Variants in SOX6 observed in about 807,000 individuals in gnomAD.
SOX6 encodes the protein SRY-box transcription factor 6.
In SOX6, 11 loss-of-function variants were observed where a neutral mutation model predicts 97.8. The ratio of observed to expected loss-of-function variants is 0.11; its 90% CI spans 0.07 to 0.19. SOX6 has a LOEUF of 0.19. SOX6 is among the 10% of genes least tolerant of loss of function. The pLI, the probability that SOX6 is intolerant of heterozygous loss-of-function variation, is 1.00. For missense variants in SOX6, 810 were observed against 1,039.5 expected (o/e 0.78, Z 3.04); for synonymous variants, 360 against 371.4 (o/e 0.97, Z 0.35).
At chr11:16,464,998 T>C (rs1860001378) in intron 1 of SOX6, among the ~76,000 whole-genome samples, 1 of 152,216 alleles carries the variant, frequency 6.6e-6, no homozygotes, top group African/African-American at 2.4e-5. Flanking sequence ...AAATCTCTTA[T>C]TTCAATCATT....
chr11:16,515,983 A>G (rs1393333701), intron 4 of SOX6, among the ~76,000 whole-genome samples: 2 of 151,792 alleles, frequency 1.3e-5, no homozygotes, highest in Non-Finnish European at 2.9e-5. Flanking sequence ...AGGTAGTGTG[A>G]TGCCTCCAGC....
chr11:15,986,395 G>A lies in SOX6; in HGVS notation c.1992C>T (p.Asn664=), dbSNP rs1474618666. The A allele has an allele frequency of 6.2e-7, 1 of 1,613,942 alleles. No individual in the cohort carries two copies. Among genetic ancestry groups the A allele is most frequent in the Admixed American group, 1.7e-5 (1 of 59,996 alleles). ...CTTCATAATAAGGTTGCTTCTCCTG[G>A]TTGGACATTGATTTCCAGCGAGATC... ...ILGSRWKSMS[N]QEKQPYYEEQ... The change falls in exon 15 of 16, where the codon AAC becomes AAT. Residue 664 remains asparagine, a synonymous_variant. Transcript: ENST00000683767.
chr11:16,341,130 T>C lies in SOX6; in HGVS notation c.119A>G (p.His40Arg). The change falls in exon 2 of 16, where the codon CAT becomes CGT. Residue 40 changes from histidine (H) to arginine (R), a missense_variant. Around this residue, in one of 9 missense-constraint regions of SOX6, gnomAD observed 100 missense variants for 94.6 expected, o/e 1.06. Coordinates refer to ENST00000683767, the MANE Select transcript of SOX6 (RefSeq NM_001367873.1). Reference sequence around the variant, plus strand: ...GTGCATTATGGGGTGCAGAGGCAGATGGGAGGCCACATGTTGATCACTGCC... The same window carrying C: ...GTGCATTATGGGGTGCAGAGGCAGACGGGAGGCCACATGTTGATCACTGCC... ...EEGSDQHVAS[H>R]LPLHPIMHNK... The C allele has an allele frequency of 6.2e-7, 1 of 1,613,576 alleles. No individual in the cohort carries two copies. The highest frequency in any genetic ancestry group is 8.5e-7 in the Non-Finnish European group (1 of 1,179,600).
chr11:16,176,066 C>T lies in SOX6; in HGVS notation c.777+7820G>A, dbSNP rs530490819. 8.8e-3 allele frequency among the ~76,000 whole-genome samples: 1,024 copies of T among 116,162 alleles called. 5 individuals carry two copies. The highest frequency in any genetic ancestry group is 0.011 in the Non-Finnish European group (595 of 52,878). The allele number at this position is 116,162 out of a possible 152,430, so 76.2% of individuals were successfully genotyped here. A position where few individuals can be genotyped will look rare whatever the true frequency, so the allele number is the denominator to read the frequency against. ...ATGGATGGATGGACGGACAGACGGA[C>T]GGACGGATGGATGGATGGATGGATG... On this transcript the variant is annotated intron_variant, in intron 6 of 15. Coordinates refer to ENST00000683767, the MANE Select transcript of SOX6 (RefSeq NM_001367873.1).
intron 4 of SOX6, among the ~76,000 whole-genome samples, chr11:16,556,309 G>A (rs887394282): frequency 2.8e-4 from 42 of 151,610 alleles, no homozygotes; most frequent in African/African-American, 8.5e-4. Context: ...AAAATAAATG[G>A]AAATATGGCC....
chr11:16,701,222 C>T (rs1040582060), intron 3 of SOX6, among the ~76,000 whole-genome samples: 3 of 152,156 alleles, frequency 2.0e-5, no homozygotes, highest in Non-Finnish European at 4.4e-5. Flanking sequence ...AGCGTGGACT[C>T]AGAGAGACCT....
intron 4 of SOX6, among the ~76,000 whole-genome samples, chr11:16,509,606 T>C (rs922463439): frequency 1.3e-5 from 2 of 152,024 alleles, no homozygotes; most frequent in East Asian, 1.9e-4. Flanking sequence ...GTAAACACTA[T>C]AGAATAAGTT....
chr11:16,335,449 C>G (rs769130394), intron 2 of SOX6, among the ~76,000 whole-genome samples: 1 of 152,124 alleles, frequency 6.6e-6, no homozygotes, highest in Non-Finnish European at 1.5e-5. Flanking sequence ...ATGACTATGA[C>G]TATACACTAG....
chr11:16,432,778 T>A (rs1859296178), intron 1 of SOX6, among the ~76,000 whole-genome samples: 1 of 152,062 alleles, frequency 6.6e-6, no homozygotes, highest in African/African-American at 2.4e-5. Flanking sequence ...ATCCAGTTAG[T>A]GTGCTCACAT....
intron 7 of SOX6, among the ~76,000 whole-genome samples, chr11:16,105,783 T>C (rs933556522): frequency 6.6e-6 from 1 of 152,088 alleles, no homozygotes; most frequent in African/African-American, 2.4e-5. Flanking sequence ...TATTTGCAAA[T>C]GACATAATCC....
intron 3 of SOX6, among the ~76,000 whole-genome samples, chr11:16,703,730 G>A: frequency 6.6e-6 from 1 of 152,096 alleles, no homozygotes; most frequent in East Asian, 1.9e-4. Flanking sequence ...GATGGCTTAT[G>A]TTTTAAAATT....
chr11:16,349,511 G>T (rs1039359606), intron 1 of SOX6, among the ~76,000 whole-genome samples: 5 of 152,098 alleles, frequency 3.3e-5, no homozygotes, highest in Non-Finnish European at 7.4e-5. Context: ...AGCTCTGCAG[G>T]AAGTTGAGGC....
chr11:16,152,840 A>G (rs2134058489), intron 6 of SOX6, among the ~76,000 whole-genome samples: 1 of 151,650 alleles, frequency 6.6e-6, no homozygotes, highest in East Asian at 2.0e-4. Flanking sequence ...AGTAGCTGGG[A>G]TTACAGGTGT....
intron 4 of SOX6, among the ~76,000 whole-genome samples, chr11:16,197,186 A>G (rs547606432): frequency 6.6e-6 from 1 of 152,040 alleles, no homozygotes; most frequent in Non-Finnish European, 1.5e-5. Context: ...TCCCCATTCC[A>G]GGTCTGTCAT....
chr11:16,012,949 A>G (rs1483604159), intron 13 of SOX6, among the ~76,000 whole-genome samples: 2 of 152,096 alleles, frequency 1.3e-5, no homozygotes, highest in African/African-American at 4.8e-5. Flanking sequence ...CAATCTAGGC[A>G]TTGAATAGAA....
intron 3 of SOX6, among the ~76,000 whole-genome samples, chr11:16,307,862 A>G (rs1855485247): frequency 6.6e-6 from 1 of 152,120 alleles, no homozygotes; most frequent in Non-Finnish European, 1.5e-5. Flanking sequence ...CTCATTTTCA[A>G]TTCATTATTT....
At chr11:16,269,953 A>G (rs1854201963) in intron 3 of SOX6, 1 of 151,200 alleles carries the variant, frequency 6.6e-6, no homozygotes, top group Admixed American at 6.6e-5. Context: ...CCTTCAGAAA[A>G]ATGTTGAATA....
intron 1 of SOX6, among the ~76,000 whole-genome samples, chr11:16,425,244 G>C (rs955356708): frequency 1.3e-5 from 2 of 152,154 alleles, no homozygotes; most frequent in African/African-American, 4.8e-5. Flanking sequence ...ATTTGCATCT[G>C]GTTATGCAAG....
intron 6 of SOX6, among the ~76,000 whole-genome samples, chr11:16,173,328 G>A (rs958181466): frequency 2.0e-5 from 3 of 151,714 alleles, no homozygotes; most frequent in Non-Finnish European, 4.4e-5. Flanking sequence ...AGCTCCTGGG[G>A]GGTTTCTTTT....
Sources: gnomAD v4.1 joint callset for allele counts (sites outside exome capture counted in the v4.1 genomes callset) on GRCh38, gnomAD v4.1.1 for gene constraint, gnomAD v4.1.1 regional missense constraint, MANE v1.5 for transcripts, NCBI Gene and HGNC (gene_info 2026-07-23, HGNC 2026-07-21) for gene names.